Variants in C8B observed in about 807,000 individuals in gnomAD.
C8B encodes complement component C8 beta chain.
C8B carries 67 observed loss-of-function variants against 64.6 expected under a neutral mutation model. The ratio of observed to expected loss-of-function variants is 1.04; its 90% CI spans 0.85 to 1.27. The LOEUF is 1.27. Among genes scored for constraint, C8B ranks in the 50% most tolerant of loss-of-function variants. C8B has a pLI of 0.00. For missense variants in C8B, 790 were observed against 725.2 expected (o/e 1.09, Z -1.03); for synonymous variants, 284 against 257.7 (o/e 1.10, Z -0.98).
intron 11 of C8B, among the ~76,000 whole-genome samples, chr1:56,930,835 C>T (rs945028112): frequency 6.6e-6 from 1 of 152,152 alleles, no homozygotes; most frequent in Non-Finnish European, 1.5e-5. Flanking sequence ...CAATGTTTAT[C>T]TTGCTTTTAC....
chr1:56,947,816 A>G (rs1012693045), intron 6 of C8B, among the ~76,000 whole-genome samples: 1 of 152,098 alleles, frequency 6.6e-6, no homozygotes, highest in Non-Finnish European at 1.5e-5. Flanking sequence ...CTGTAGTCCC[A>G]GCTGCTTGGG....
chr1:56,958,773 C>T (rs571358385), intron 2 of C8B, among the ~76,000 whole-genome samples: 1 of 152,300 alleles, frequency 6.6e-6, no homozygotes, highest in African/African-American at 2.4e-5. Context: ...CTGATACCTT[C>T]AGCAATAAAA....
Position 56,931,854 on chromosome 1 carries a change from G to A in C8B, c.1577C>T (p.Pro526Leu), listed in dbSNP as rs749877724. 6 of 1,612,252 alleles carry A rather than the reference G, an allele frequency of 3.7e-6. No homozygotes were observed. The highest frequency in any genetic ancestry group is 5.1e-6 in the Non-Finnish European group (6 of 1,179,156). Residue 526 changes from proline (P) to leucine (L), a missense_variant, in exon 11 of 12, where the codon CCT becomes CTT. Physicochemically the swap from Pro to Leu is moderately conservative, Grantham distance 98. Coordinates refer to ENST00000371237, the MANE Select transcript of C8B (RefSeq NM_000066.4). ...ACAGGCTAGGCCTTGGGATCCAACA[G>A]GACAGATGCAGTCACAGCGTGATCC... ...LKGSRCDCIC[P>L]VGSQGLACEV...
intron 3 of C8B, among the ~76,000 whole-genome samples, chr1:56,955,508 C>T (rs1186898643): frequency 6.6e-6 from 1 of 152,150 alleles, no homozygotes; most frequent in Non-Finnish European, 1.5e-5. Context: ...GGAGATAAAG[C>T]CCATAAGACA....
chr1:56,938,061 G>T (rs1644799231), intron 9 of C8B, among the ~76,000 whole-genome samples: 1 of 152,222 alleles, frequency 6.6e-6, no homozygotes, highest in Non-Finnish European at 1.5e-5. Flanking sequence ...AGTTTTCAAT[G>T]AGCTGTTCAT....
chr1:56,941,963 A>G (rs533378707), intron 8 of C8B, among the ~76,000 whole-genome samples: 25 of 152,354 alleles, frequency 1.6e-4, no homozygotes, highest in African/African-American at 4.6e-4. Context: ...TTTATACAGT[A>G]TGAGATTTCT....
intron 8 of C8B, among the ~76,000 whole-genome samples, chr1:56,942,583 T>G (rs1644879730): frequency 6.6e-6 from 1 of 152,070 alleles, no homozygotes; most frequent in Non-Finnish European, 1.5e-5. Flanking sequence ...CACATGCCTG[T>G]AGTCCCAGCT....
chr1:56,933,284 T>C (rs759998449), intron 10 of C8B, 51 bp downstream of exon 10: 2 of 1,528,308 alleles, frequency 1.3e-6, no homozygotes, highest in East Asian at 4.5e-5. Context: ...GCCCCCGGCC[T>C]GCTTCAGATT....
At chr1:56,942,730 G>T (rs1216098468) in intron 8 of C8B, among the ~76,000 whole-genome samples, 5 of 151,762 alleles carry the variant, frequency 3.3e-5, no homozygotes, top group Admixed American at 3.3e-4. Context: ...GTATAAAACA[G>T]CTCCTCAAGT....
In C8B at chr1:56,945,793, G is replaced by A. The variant is rs193228445; in HGVS notation, c.1105+28C>T. The stretch of plus-strand genomic sequence containing the variant: ...TTATGACTCTTCCCCCAGCTTTTAG[G>A]AAAGCCATGGTCCCTTGGGCAGTAT... On this transcript the variant is annotated intron_variant, in intron 7 of 11. Coordinates refer to ENST00000371237, the MANE Select transcript of C8B (RefSeq NM_000066.4). The A allele has an allele frequency of 3.4e-5, 55 of 1,613,942 alleles. No individual in the cohort carries two copies. The East Asian group carries it at 6.0e-4, about 18-fold the overall frequency.
At chr1:56,947,005 C>T (rs1644952770) in intron 6 of C8B, among the ~76,000 whole-genome samples, 1 of 152,204 alleles carries the variant, frequency 6.6e-6, no homozygotes, top group African/African-American at 2.4e-5. Flanking sequence ...CCTTACCCTT[C>T]CTAAATAAGC....
At chr1:56,940,301 C>T (rs1644832778) in intron 9 of C8B, among the ~76,000 whole-genome samples, 1 of 151,786 alleles carries the variant, frequency 6.6e-6, no homozygotes, top group South Asian at 2.1e-4. Context: ...GGCACAGTGG[C>T]TCACACCTAT....
intron 9 of C8B, among the ~76,000 whole-genome samples, chr1:56,938,884 C>T (rs1644810422): frequency 7.3e-6 from 1 of 136,468 alleles, no homozygotes; most frequent in South Asian, 2.9e-4. Context: ...GCAGTTCCCT[C>T]TTGCCAGAAA....
intron 3 of C8B, among the ~76,000 whole-genome samples, chr1:56,955,700 G>A (rs769051496): frequency 7.9e-5 from 12 of 152,122 alleles, no homozygotes; most frequent in South Asian, 2.1e-4. Flanking sequence ...ATGAGTCCAC[G>A]GATACACTGT....
intron 1 of C8B, chr1:56,963,824 T>C (rs916248765): frequency 1.0e-6 from 1 of 977,308 alleles, no homozygotes; most frequent in Non-Finnish European, 1.2e-6. Flanking sequence ...TGGCACAGAG[T>C]GGCAATACAT....
chr1:56,935,723 G>A (rs1644766750), intron 9 of C8B, among the ~76,000 whole-genome samples: 2 of 152,306 alleles, frequency 1.3e-5, no homozygotes, highest in South Asian at 4.2e-4. Flanking sequence ...AAAAAGCTGA[G>A]GCACAGAGAC....
In C8B at chr1:56,943,800, G is replaced by T. The variant is rs775616655; in HGVS notation, c.1130C>A (p.Ala377Asp). The T allele has an allele frequency of 6.2e-7, 1 of 1,614,014 alleles. No homozygotes were observed. Among genetic ancestry groups the T allele is most frequent in the Non-Finnish European group, 8.5e-7 (1 of 1,179,956 alleles). Residue 377 changes from alanine (A) to aspartate (D), a missense_variant, in exon 8 of 12, where the codon GCC (alanine) becomes GAC (aspartate). Ala to Asp is a moderately radical substitution (Grantham distance 126, BLOSUM62 -2). Transcript: ENST00000371237. ...AATTTTAAAATCATTTTTGGCACAG[G>T]CATGGACGTTGTTAAGAGTATAATC... is the stretch of plus-strand genomic sequence containing the variant. ...RGDYTLNNVH[A>D]CAKNDFKIGG...
chr1:56,954,363 G>T (rs1645069462), intron 4 of C8B, among the ~76,000 whole-genome samples: 4 of 152,138 alleles, frequency 2.6e-5, no homozygotes, highest in Non-Finnish European at 5.9e-5. Context: ...ACCTAACATG[G>T]TCACACTGCA....
At position 56,946,080 on chromosome 1, in the gene C8B, T is replaced by C. The variant is rs200236866; in HGVS notation, c.865-19A>G. On this transcript the variant is annotated intron_variant, in intron 6 of 11. Transcript: ENST00000371237. ...CGCTTTTCTAAATGAAATACCAACA[T>C]GGGAAAACCAGACCTTTAAAGTTAG... is the stretch of plus-strand genomic sequence containing the variant. 2 of 1,613,718 alleles carry C rather than the reference T, an allele frequency of 1.2e-6. No individual in the cohort carries two copies. Among genetic ancestry groups the C allele is most frequent in the Non-Finnish European group, 1.7e-6 (2 of 1,179,926 alleles).
Sources: allele counts gnomAD v4.1 joint callset (sites outside exome capture counted in the v4.1 genomes callset), GRCh38; gene constraint gnomAD v4.1.1; transcripts MANE v1.5; gene names NCBI Gene and HGNC (gene_info 2026-07-23, HGNC 2026-07-21).